Variants in ERC2 observed in about 807,000 individuals in gnomAD.
ERC2 encodes ERC protein 2.
ERC2 carries 42 observed loss-of-function variants against 114.8 expected under a neutral mutation model. The observed-to-expected ratio is 0.37, with a 90% CI of 0.29 to 0.47. ERC2 has a LOEUF of 0.47. Ranked by LOEUF, ERC2 falls within the 20% of genes least tolerant of loss-of-function variation. The pLI, the probability that ERC2 is intolerant of heterozygous loss-of-function variation, is 0.99. For synonymous variants in ERC2, 454 were observed against 425.5 expected (o/e 1.07, Z -0.82); for missense variants, 939 against 1,150.7 (o/e 0.82, Z 2.66).
chr3:56,433,197 AGAG>A (rs1259490863), intron 2 of ERC2, among the ~76,000 whole-genome samples: 1 of 1,950 alleles, frequency 5.1e-4, no homozygotes, highest in Middle Eastern at 0.12. Flanking sequence ...AAAAAAAGAG[AGAG>A]AGAGAGAGAG....
rs35100795 is a variant in ERC2 at position 55,706,376 on chromosome 3, GTT to G, written c.2713-6866_2713-6865del. On this transcript the variant is annotated intron_variant, in intron 15 of 17. Transcript: ENST00000288221. The stretch of plus-strand genomic sequence containing the variant: ...CTTGGGATCTGTTTTGTTTGTTTCT[GTT>G]TTTTTTTGTTTTTGTTTTTGTTGTT... Among the ~76,000 whole-genome samples the G allele has an allele frequency of 2.8e-3, 420 of 150,972 alleles. 1 individual carries two copies. The highest frequency in any genetic ancestry group is 4.0e-3 in the African/African-American group (164 of 41,010).
At chr3:56,342,068 A>G (rs761876353) in intron 2 of ERC2, among the ~76,000 whole-genome samples, 4 of 152,224 alleles carry the variant, frequency 2.6e-5, no homozygotes, top group Admixed American at 6.5e-5. Context: ...CTGCAGTGGC[A>G]ACCCTCCCAC....
intron 13 of ERC2, among the ~76,000 whole-genome samples, chr3:55,904,408 C>T (rs552449716): frequency 3.9e-5 from 6 of 152,256 alleles, no homozygotes; most frequent in South Asian, 2.1e-4. Flanking sequence ...ATATAATATT[C>T]GCTGATGTGA....
intron 17 of ERC2, among the ~76,000 whole-genome samples, chr3:55,648,707 A>G (rs2060490789): frequency 6.6e-6 from 1 of 152,198 alleles, no homozygotes; most frequent in Non-Finnish European, 1.5e-5. Flanking sequence ...TCTGTCTATT[A>G]GAAGAGTATC....
intron 14 of ERC2, among the ~76,000 whole-genome samples, chr3:55,750,846 T>G (rs1157637786): frequency 6.6e-6 from 1 of 152,212 alleles, no homozygotes; most frequent in African/African-American, 2.4e-5. Context: ...CATGAGGATG[T>G]AGGAACATTA....
chr3:56,308,127 T>C (rs2056339719), intron 2 of ERC2, among the ~76,000 whole-genome samples: 2 of 152,172 alleles, frequency 1.3e-5, no homozygotes, highest in African/African-American at 4.8e-5. Flanking sequence ...CTGACAATAC[T>C]GCTCCAAAGC....
At chr3:56,169,228 T>C (rs1360501947) in intron 4 of ERC2, among the ~76,000 whole-genome samples, 1 of 152,248 alleles carries the variant, frequency 6.6e-6, no homozygotes, top group African/African-American at 2.4e-5. Context: ...AAAACCCTTA[T>C]GTCACTCATA....
intron 7 of ERC2, among the ~76,000 whole-genome samples, chr3:56,036,750 A>G (rs548948894): frequency 2.6e-5 from 4 of 152,220 alleles, no homozygotes; most frequent in Admixed American, 6.5e-5. Context: ...TTTTCTATGA[A>G]CCTGTACAAC....
At chr3:55,552,745 C>T (rs1031590419) in intron 17 of ERC2, among the ~76,000 whole-genome samples, 1 of 151,648 alleles carries the variant, frequency 6.6e-6, no homozygotes, top group Non-Finnish European at 1.5e-5. Flanking sequence ...GGTTTAAGAA[C>T]ATTTAAATGG....
intron 14 of ERC2, among the ~76,000 whole-genome samples, chr3:55,871,819 T>C (rs969853460): frequency 1.3e-5 from 2 of 152,178 alleles, no homozygotes; most frequent in Non-Finnish European, 2.9e-5. Flanking sequence ...CAATATTTTT[T>C]AAAAAATTAA....
chr3:56,015,283 T>C (rs2073228443), intron 8 of ERC2, among the ~76,000 whole-genome samples: 1 of 152,166 alleles, frequency 6.6e-6, no homozygotes, highest in South Asian at 2.1e-4. Context: ...TGTGTAATGG[T>C]GGTTTGCTGC....
chr3:55,847,325 TA>T (rs2061408852), intron 14 of ERC2, among the ~76,000 whole-genome samples: 1 of 152,184 alleles, frequency 6.6e-6, no homozygotes, highest in Admixed American at 6.5e-5. Flanking sequence ...CCTTCCACAT[TA>T]AAATGATTTT....
At chr3:55,590,745 TG>T (rs1220712380) in intron 17 of ERC2, among the ~76,000 whole-genome samples, 4 of 152,224 alleles carry the variant, frequency 2.6e-5, no homozygotes, top group African/African-American at 7.2e-5. Flanking sequence ...TATACCAAAT[TG>T]TCCACAATGG....
intron 15 of ERC2, among the ~76,000 whole-genome samples, chr3:55,715,090 T>C (rs905916851): frequency 6.6e-6 from 1 of 152,118 alleles, no homozygotes; most frequent in Non-Finnish European, 1.5e-5. Flanking sequence ...CCTTAATCTT[T>C]TAAAATTCCA....
chr3:56,321,514 A>G (rs181018787), intron 2 of ERC2, among the ~76,000 whole-genome samples: 7 of 152,346 alleles, frequency 4.6e-5, no homozygotes, highest in African/African-American at 1.7e-4. Context: ...GTAGTTCAGG[A>G]GCTCCTCCAA....
intron 14 of ERC2, among the ~76,000 whole-genome samples, chr3:55,864,186 T>TATATATACACATATATATATACAC (rs1559783411): frequency 7.2e-6 from 1 of 139,638 alleles, no homozygotes; most frequent in African/African-American, 2.8e-5. Context: ...TATATACACA[T>TATATATACACATATATATATACAC]ATATATATAC....
intron 6 of ERC2, among the ~76,000 whole-genome samples, chr3:56,125,959 T>C (rs1464420116): frequency 1.3e-5 from 2 of 152,172 alleles, no homozygotes; most frequent in Non-Finnish European, 2.9e-5. Context: ...ATTATATAAA[T>C]ATCAAACATC....
In ERC2 at chr3:56,279,880, G is replaced by A. The variant is rs148146965; in HGVS notation, c.1074+16139C>T. Among the ~76,000 whole-genome samples, 1,113 of 152,326 alleles carry A rather than the reference G, an allele frequency of 7.3e-3. 21 individuals are homozygous for A. Among genetic ancestry groups the A allele is most frequent in the African/African-American group, 0.026 (1,064 of 41,574 alleles). On this transcript the variant is annotated intron_variant, in intron 3 of 17. Transcript: ENST00000288221. ...AGGGCTTAGTGATATATTGGATACAGAGGGTATGGTAAGCTGAGTAACGGA... is the reference window on the plus strand; with the variant it reads ...AGGGCTTAGTGATATATTGGATACAAAGGGTATGGTAAGCTGAGTAACGGA...
chr3:56,244,471 T>C (rs1197681045), intron 3 of ERC2, among the ~76,000 whole-genome samples: 3 of 152,088 alleles, frequency 2.0e-5, no homozygotes, highest in Non-Finnish European at 4.4e-5. Flanking sequence ...ATTGACATCA[T>C]AGGAGATGAC....
Sources: gnomAD v4.1 joint callset for allele counts (sites outside exome capture counted in the v4.1 genomes callset) on GRCh38, gnomAD v4.1.1 for gene constraint, MANE v1.5 for transcripts, NCBI Gene and HGNC (gene_info 2026-07-23, HGNC 2026-07-21) for gene names.